Variants in PACS1 observed in about 807,000 individuals in gnomAD.
PACS1 encodes the protein phosphofurin acidic cluster sorting protein 1.
PACS1 carries 24 observed loss-of-function variants against 115.0 expected under a neutral mutation model. The observed-to-expected ratio is 0.21, with a 90% CI of 0.15 to 0.29. The LOEUF (loss-of-function observed/expected upper bound fraction) is 0.29, where lower values mean the gene tolerates loss of function less well. PACS1 is among the 10% of genes least tolerant of loss of function. The probability of loss-of-function intolerance (pLI) is 1.00; values close to 1 mark genes in which losing one functional copy is unlikely to be tolerated. For synonymous variants in PACS1, 453 were observed against 504.5 expected, an observed-to-expected ratio of 0.90 and a Z score of 1.37; for missense variants, 838 against 1,251.2, an observed-to-expected ratio of 0.67 and a Z score of 4.98.
rs1046745167 is a variant in PACS1, at chr11:66,210,792, G to A, written c.534+341G>A. ...CATCAGCCTCCACGTCGGGATCTCC[G>A]TCCTTCCCCTCTACTCCGTATCCCT... On this transcript the variant is annotated intron_variant, in intron 3 of 23. Coordinates refer to ENST00000320580, the MANE Select transcript of PACS1 (RefSeq NM_018026.4). 2.6e-5 allele frequency among the ~76,000 whole-genome samples: 4 copies of A among 152,212 alleles called. No homozygotes were observed. The South Asian group carries it at 6.2e-4, about 24-fold the overall frequency.
chr11:66,237,233 G>T (rs1486722812), intron 19 of PACS1, among the ~76,000 whole-genome samples: 1 of 151,796 alleles, frequency 6.6e-6, no homozygotes, highest in Non-Finnish European at 1.5e-5. Context: ...GCTAATTTTT[G>T]TATTTTTCTG....
intron 1 of PACS1, among the ~76,000 whole-genome samples, chr11:66,146,364 G>A (rs1859124836): frequency 6.6e-6 from 1 of 152,082 alleles, no homozygotes; most frequent in Non-Finnish European, 1.5e-5. Flanking sequence ...AACAGAAACT[G>A]TAAAAAAGAA....
At chr11:66,202,163 C>G (rs1405642759) in intron 2 of PACS1, among the ~76,000 whole-genome samples, 1 of 152,080 alleles carries the variant, frequency 6.6e-6, no homozygotes, top group Non-Finnish European at 1.5e-5. Flanking sequence ...TGGAAAGATA[C>G]AACCTTCCAA....
chr11:66,168,822 A>T (rs1485912566), intron 1 of PACS1, among the ~76,000 whole-genome samples: 2 of 146,556 alleles, frequency 1.4e-5, no homozygotes, highest in African/African-American at 2.6e-5. Context: ...TACATTTTTA[A>T]ATTCTTTGTT....
chr11:66,119,889 C>T (rs1377918223), intron 1 of PACS1, among the ~76,000 whole-genome samples: 1 of 152,124 alleles, frequency 6.6e-6, no homozygotes, highest in Non-Finnish European at 1.5e-5. Flanking sequence ...TACACTAGAT[C>T]ATCTCTAGGC....
At chr11:66,190,830 A>T (rs528099309) in intron 1 of PACS1, among the ~76,000 whole-genome samples, 2 of 152,310 alleles carry the variant, frequency 1.3e-5, no homozygotes, top group East Asian at 3.9e-4. Flanking sequence ...AGGAAACAGC[A>T]TGAACCCAGA....
At chr11:66,086,200 C>T (rs58583648) in intron 1 of PACS1, among the ~76,000 whole-genome samples, 4,506 of 146,734 alleles carry the variant, frequency 0.031, 82 homozygotes, top group South Asian at 0.073. Flanking sequence ...TGCAGTGGCG[C>T]GATCTCGGCT....
intron 2 of PACS1, among the ~76,000 whole-genome samples, chr11:66,202,726 G>GAAAAAAA (rs55677222): frequency 2.7e-4 from 3 of 10,956 alleles, no homozygotes; most frequent in African/African-American, 2.4e-4. Context: ...TCATCTCTAG[G>GAAAAAAA]AAAAAAAAAA....
intron 1 of PACS1, among the ~76,000 whole-genome samples, chr11:66,074,941 G>GTTTTTTTTT (rs71036269): frequency 1.8e-5 from 2 of 114,224 alleles, no homozygotes; most frequent in African/African-American, 3.5e-5. Flanking sequence ...TTTTTTTGGT[G>GTTTTTTTTT]TTTTTTTTTT....
Position 66,232,343 on chromosome 11 carries a change from G to T in PACS1, c.1731+67G>T, listed in dbSNP as rs907206819. The T allele has an allele frequency of 4.4e-6, 4 of 905,940 alleles. No homozygotes were observed. The African/African-American group carries it at 4.9e-5, about 11-fold the overall frequency. The allele number at this position is 905,940 out of a possible 1,614,324, so 56.1% of individuals were successfully genotyped here. ...CAGGCAATGCCCGGTTGCATTGTCA[G>T]TGTGGCCTCCATACTATTGCGTGGG... On this transcript the variant is annotated intron_variant, in intron 14 of 23. Transcript: ENST00000320580.
In PACS1 at chr11:66,236,531, A is replaced by T. The variant is rs1302160553; in HGVS notation, c.2250+591A>T. 6.6e-6 allele frequency among the ~76,000 whole-genome samples: 1 copy of T among 152,146 alleles called. No homozygotes were observed. The highest frequency in any genetic ancestry group is 6.5e-5 in the Admixed American group (1 of 15,278). ...ACCAAGGAGAAATCTCTATACTAGT[A>T]AACTTTGAAAGTCAAGGAAGAACCC... On this transcript the variant is annotated intron_variant, in intron 19 of 23. Coordinates refer to ENST00000320580, the MANE Select transcript of PACS1 (RefSeq NM_018026.4). This position sits in a 1 kb window ranked among gnomAD's most constrained non-coding sequence, Gnocchi z 4.2.
At chr11:66,171,802 A>G (rs1298705253) in intron 1 of PACS1, among the ~76,000 whole-genome samples, 1 of 145,006 alleles carries the variant, frequency 6.9e-6, no homozygotes, top group Non-Finnish European at 1.5e-5. Context: ...GATGGTCTCG[A>G]TCTCCTGACC....
intron 1 of PACS1, among the ~76,000 whole-genome samples, chr11:66,125,320 A>C (rs1341035711): frequency 1.3e-5 from 2 of 152,202 alleles, no homozygotes; most frequent in Non-Finnish European, 2.9e-5. Context: ...CACATCAATT[A>C]ATGCGTAGAC....
chr11:66,190,689 C>G lies in PACS1; in HGVS notation c.357-2797C>G, dbSNP rs575480721. Among the ~76,000 whole-genome samples, 64 of 152,280 alleles carry G rather than the reference C, an allele frequency of 4.2e-4. 1 individual carries two copies. The South Asian group carries it at 0.012, about 28-fold the overall frequency. ...AGGAGTTAACTACATTTCTGAATAG[C>G]CATTTGTGAACTGTAATAATCCCTT... On this transcript the variant is annotated intron_variant, in intron 1 of 23. Coordinates refer to ENST00000320580, the MANE Select transcript of PACS1 (RefSeq NM_018026.4).
chr11:66,139,906 T>C (rs1456348927), intron 1 of PACS1, among the ~76,000 whole-genome samples: 1 of 152,166 alleles, frequency 6.6e-6, no homozygotes, highest in East Asian at 1.9e-4. Context: ...TCTGTTTTTA[T>C]TTTTGGAGGA....
At chr11:66,135,604 A>G (rs1858821089) in intron 1 of PACS1, among the ~76,000 whole-genome samples, 2 of 151,678 alleles carry the variant, frequency 1.3e-5, no homozygotes, top group Non-Finnish European at 2.9e-5. Flanking sequence ...CAGGTTCAGC[A>G]TGTACCATGG....
rs10692760 is a variant in PACS1, at chr11:66,079,303, G to GTTTTT, written c.356+8475_356+8479dup. Among the ~76,000 whole-genome samples, 22 of 110,384 alleles carry GTTTTT rather than the reference G, an allele frequency of 2.0e-4. 1 individual carries two copies. Among genetic ancestry groups the GTTTTT allele is most frequent in the East Asian group, 1.0e-3 (4 of 4,020 alleles). 72.4% of individuals were successfully genotyped at this position (110,384 alleles called of 152,430 possible). The stretch of plus-strand genomic sequence containing the variant: ...GTAGGTGAGACATTCTTTGTAGCAG[G>GTTTTT]TTTTTTTTTTTTTTTTTTAATAGTT... On this transcript the variant is annotated intron_variant, in intron 1 of 23. Coordinates refer to ENST00000320580, the MANE Select transcript of PACS1 (RefSeq NM_018026.4).
Position 66,220,624 on chromosome 11 carries a change from C to A in PACS1, c.1039-7C>A, listed in dbSNP as rs763245218. The A allele has an allele frequency of 6.2e-6, 10 of 1,611,224 alleles. No homozygotes were observed. The highest frequency in any genetic ancestry group is 6.8e-6 in the Non-Finnish European group (8 of 1,179,210). Reference sequence around the variant, plus strand: ...CCCTAAATTCAGAGACTCCTTTTTCCCTGCAGGTGGGCTTTGGGCTGGAGC... The same window carrying A: ...CCCTAAATTCAGAGACTCCTTTTTCACTGCAGGTGGGCTTTGGGCTGGAGC... On this transcript the variant is annotated splice_region_variant and splice_polypyrimidine_tract_variant and intron_variant, in intron 8 of 23. Coordinates refer to ENST00000320580, the MANE Select transcript of PACS1 (RefSeq NM_018026.4).
At chr11:66,149,598 C>A (rs1859192248) in intron 1 of PACS1, among the ~76,000 whole-genome samples, 1 of 151,932 alleles carries the variant, frequency 6.6e-6, no homozygotes, top group African/African-American at 2.4e-5. Context: ...ATAACATTAA[C>A]TTTGTATTTG....
Sources: allele counts gnomAD v4.1 joint callset (sites outside exome capture counted in the v4.1 genomes callset), GRCh38; gene constraint gnomAD v4.1.1; non-coding constraint Gnocchi (gnomAD v3.1); transcripts MANE v1.5; gene names NCBI Gene and HGNC (gene_info 2026-07-23, HGNC 2026-07-21).